The following RCOR3 variants were observed in gnomAD, a reference collection of about 807,000 sequenced individuals.
RCOR3 encodes the protein REST corepressor 3.
A neutral mutation model predicts 64.1 loss-of-function variants in RCOR3; 13 were observed. The observed-to-expected ratio is 0.20, with a 90% CI of 0.13 to 0.32. The LOEUF is 0.32. RCOR3 is among the 10% of genes least tolerant of loss of function. The pLI is 1.00. For missense variants in RCOR3, 489 were observed against 701.2 expected, an observed-to-expected ratio of 0.70 and a Z score of 3.42; for synonymous variants, 215 against 239.0, an observed-to-expected ratio of 0.90 and a Z score of 0.93.
At chr1:211,287,419 G>A (rs1244317443) in intron 7 of RCOR3, among the ~76,000 whole-genome samples, 3 of 151,974 alleles carry the variant, frequency 2.0e-5, no homozygotes, top group African/African-American at 4.8e-5. Flanking sequence ...TTCTGGCCTC[G>A]GAAGAATTTC....
chr1:211,264,733 A>T (rs978754546), intron 2 of RCOR3, among the ~76,000 whole-genome samples: 1 of 152,338 alleles, frequency 6.6e-6, no homozygotes, highest in Admixed American at 6.5e-5. Flanking sequence ...TATGAGAAGA[A>T]TTGAGATTTA....
intron 3 of RCOR3, 72 bp downstream of exon 3, chr1:211,271,381 G>C (rs1696182803): frequency 2.5e-6 from 3 of 1,202,984 alleles, no homozygotes; most frequent in Non-Finnish European, 3.7e-6. Context: ...ACTTACGTTT[G>C]TTTTTGGGTC....
chr1:211,303,285 A>G (rs1030245953), intron 9 of RCOR3: 3 of 152,104 alleles, frequency 2.0e-5, no homozygotes, highest in Non-Finnish European at 4.4e-5. Context: ...TTGGTGAGAA[A>G]GCTGGTGTTA....
chr1:211,297,730 A>T (rs1250323194), intron 9 of RCOR3, among the ~76,000 whole-genome samples: 2 of 152,158 alleles, frequency 1.3e-5, no homozygotes, highest in East Asian at 3.8e-4. Flanking sequence ...TCATCTAGAG[A>T]GTCCTCAGGA....
chr1:211,282,788 CGT>C (rs920764928), intron 7 of RCOR3, among the ~76,000 whole-genome samples: 4 of 152,054 alleles, frequency 2.6e-5, no homozygotes, highest in Non-Finnish European at 4.4e-5. Flanking sequence ...CGTGAGCCAC[CGT>C]GCCCGGCCTC....
chr1:211,305,122 T>C (rs185627919), intron 10 of RCOR3, among the ~76,000 whole-genome samples: 1 of 152,344 alleles, frequency 6.6e-6, no homozygotes, highest in East Asian at 1.9e-4. Flanking sequence ...GATCGACTGA[T>C]GGATGACTCC....
chr1:211,295,641 C>T (rs140328411), intron 8 of RCOR3, 35 bp from the exon 9 acceptor site: 19 of 1,571,992 alleles, frequency 1.2e-5, no homozygotes, highest in African/African-American at 1.4e-5. Context: ...CCTAAGTACG[C>T]GATCTGATTC....
intron 7 of RCOR3, among the ~76,000 whole-genome samples, chr1:211,287,966 T>G (rs1698755492): frequency 6.6e-6 from 1 of 152,072 alleles, no homozygotes; most frequent in African/African-American, 2.4e-5. Flanking sequence ...TCCTAGCACT[T>G]TGAGAGCCCA....
intron 4 of RCOR3, among the ~76,000 whole-genome samples, 168 bp from the exon 5 acceptor site, chr1:211,276,089 T>A (rs1440947210): frequency 6.6e-6 from 1 of 152,130 alleles, no homozygotes; most frequent in African/African-American, 2.4e-5. Flanking sequence ...AAGAAATAAA[T>A]AAATGAGGTC....
chr1:211,272,611 A>ATT (rs1558054249), intron 3 of RCOR3, among the ~76,000 whole-genome samples: 1 of 17,554 alleles, frequency 5.7e-5, no homozygotes, highest in Non-Finnish European at 1.6e-4. Flanking sequence ...TGGATGTCTT[A>ATT]CTTTTTTTTT....
At chr1:211,308,890 T>A (rs550144251) in intron 10 of RCOR3, among the ~76,000 whole-genome samples, 1 of 151,850 alleles carries the variant, frequency 6.6e-6, no homozygotes, top group South Asian at 2.1e-4. Flanking sequence ...TTTTGTATTT[T>A]TAGTAGAAAC....
chr1:211,314,973 A>G lies in RCOR3; in HGVS notation c.*1205A>G, dbSNP rs944006007. 3 of 152,250 alleles carry G rather than the reference A, an allele frequency of 2.0e-5. No individual in the cohort carries two copies. The highest frequency in any genetic ancestry group is 2.9e-5 in the Non-Finnish European group (2 of 68,032). The allele number at this position is 152,250 out of a possible 1,614,324, so 9.4% of individuals were successfully genotyped here. A position where few individuals can be genotyped will look rare whatever the true frequency, so the allele number is the denominator to read the frequency against. ...GTATATTGTCACAGTTGTGCTGTTA[A>G]CTAAAAATGCTGAGACCCCTTTTTA... On this transcript the variant is annotated 3_prime_UTR_variant, in exon 12 of 12. Transcript: ENST00000419091.
At position 211,289,250 on chromosome 1, in the gene RCOR3, C is replaced by T; in HGVS notation, c.793C>T (p.Arg265Cys). 2 of 1,613,982 alleles carry T rather than the reference C, an allele frequency of 1.2e-6. No individual in the cohort carries two copies. The highest frequency in any genetic ancestry group is 1.7e-6 in the Non-Finnish European group (2 of 1,179,988). Reference sequence around the variant, plus strand: ...AAGAGAGTATCAGAGTTTACAACATCGCCATCATTCTCAGCGTTCTAAGTG... The same window carrying T: ...AAGAGAGTATCAGAGTTTACAACATTGCCATCATTCTCAGCGTTCTAAGTG... Reference protein sequence around the residue: ...GRREYQSLQHRHHSQRSKCRP... With the variant: ...GRREYQSLQHCHHSQRSKCRP... Residue 265 changes from arginine to cysteine, a missense_variant, in exon 8 of 12, where the codon CGC becomes TGC. Around this residue, in one of 2 missense-constraint regions of RCOR3, gnomAD observed 402 missense variants for 617.0 expected, o/e 0.65. Transcript: ENST00000419091.
Position 211,313,008 on chromosome 1 carries a change from C to T in RCOR3, c.1317+47C>T. ...GAGCTAATATGAGTTGAGGAATCAC[C>T]ATTTTGTGTGGTATTCTGTAAGGTT... On this transcript the variant is annotated intron_variant, in intron 11 of 11. Coordinates refer to ENST00000419091, the MANE Select transcript of RCOR3 (RefSeq NM_001136223.3). This position sits in a 1 kb window ranked among gnomAD's most constrained non-coding sequence, Gnocchi z 4.7. The T allele has an allele frequency of 6.2e-7, 1 of 1,611,958 alleles. No homozygotes were observed. The highest frequency in any genetic ancestry group is 1.7e-5 in the Admixed American group (1 of 59,858).
At chr1:211,277,825 C>G (rs1051777440) in intron 5 of RCOR3, among the ~76,000 whole-genome samples, 1 of 152,132 alleles carries the variant, frequency 6.6e-6, no homozygotes, top group African/African-American at 2.4e-5. Context: ...ATGTGAATTA[C>G]ATATATTGAA....
At chr1:211,304,266 C>A in intron 10 of RCOR3, 126 bp downstream of exon 10, 1 of 587,310 alleles carries the variant, frequency 1.7e-6, no homozygotes, top group East Asian at 3.2e-5. Flanking sequence ...ATCACAAAGT[C>A]CTGGTGACCA....
At chr1:211,288,498 AATT>A (rs1006794047) in intron 7 of RCOR3, among the ~76,000 whole-genome samples, 2 of 48,894 alleles carry the variant, frequency 4.1e-5, no homozygotes, top group African/African-American at 6.8e-5. Flanking sequence ...AATATTTATA[AATT>A]ATTTTATAAA....
intron 7 of RCOR3, among the ~76,000 whole-genome samples, chr1:211,288,128 T>G (rs1021834636): frequency 6.6e-6 from 1 of 151,882 alleles, no homozygotes; most frequent in Non-Finnish European, 1.5e-5. Context: ...GAGGATCATT[T>G]GAGCCCAGGA....
intron 7 of RCOR3, 96 bp from the exon 8 acceptor site, chr1:211,289,082 C>T: frequency 1.1e-6 from 1 of 895,522 alleles, no homozygotes; most frequent in Non-Finnish European, 1.8e-6. Flanking sequence ...TTTATGTGTA[C>T]TTATTGCAGC....
Sources: gnomAD v4.1 joint callset for allele counts (sites outside exome capture counted in the v4.1 genomes callset) on GRCh38, gnomAD v4.1.1 for gene constraint, gnomAD v4.1.1 regional missense constraint, Gnocchi (gnomAD v3.1) non-coding constraint, MANE v1.5 for transcripts, NCBI Gene and HGNC (gene_info 2026-07-23, HGNC 2026-07-21) for gene names.